The following LRRC7 variants were observed in gnomAD, a reference collection of about 807,000 sequenced individuals.
LRRC7 encodes the protein leucine-rich repeat-containing protein 7.
In LRRC7, 23 loss-of-function variants were observed where a neutral mutation model predicts 175.7. The ratio of observed to expected loss-of-function variants is 0.13; its 90% CI spans 0.09 to 0.19. LRRC7 has a LOEUF of 0.19. Ranked by LOEUF, LRRC7 falls within the 10% of genes least tolerant of loss-of-function variation. The probability of loss-of-function intolerance (pLI) is 1.00; values close to 1 mark genes in which losing one functional copy is unlikely to be tolerated. For missense variants in LRRC7, 1,354 were observed against 1,904.7 expected (o/e 0.71, Z 5.38); for synonymous variants, 685 against 680.9 (o/e 1.01, Z -0.09).
rs889900746 is a variant in LRRC7, at chr1:70,134,263, G to C, written c.*12376G>C. 1.3e-5 allele frequency among the ~76,000 whole-genome samples: 2 copies of C among 152,218 alleles called. No individual in the cohort carries two copies. Among genetic ancestry groups the C allele is most frequent in the African/African-American group, 4.8e-5 (2 of 41,456 alleles). ...CTCTCTCCTTTCAGTGGGAATATCT[G>C]GGTGCTGAAGGCAGAGAACCCCTGG... On this transcript the variant is annotated 3_prime_UTR_variant, in exon 27 of 27. Coordinates refer to ENST00000651989, the MANE Select transcript of LRRC7 (RefSeq NM_001370785.2).
rs180880853 is a variant in LRRC7 at position 69,822,348 on chromosome 1, T to C, written c.422-3400T>C. Among the ~76,000 whole-genome samples the C allele has an allele frequency of 7.0e-4, 106 of 152,254 alleles. 1 individual carries two copies. Among genetic ancestry groups the C allele is most frequent in the African/African-American group, 2.3e-3 (95 of 41,570 alleles). ...GCACATGAAAGGAGCTAGCTACAGT[T>C]ATAGAAGGGAGGCTGAAAAACACAA... On this transcript the variant is annotated intron_variant, in intron 4 of 26. Transcript: ENST00000651989.
chr1:69,673,346 C>T (rs774436790), intron 1 of LRRC7, among the ~76,000 whole-genome samples: 9 of 152,298 alleles, frequency 5.9e-5, no homozygotes, highest in African/African-American at 1.9e-4. Flanking sequence ...TTGATATTAA[C>T]CTGGCTGCCC....
chr1:69,969,943 A>G (rs1652059161), intron 8 of LRRC7, among the ~76,000 whole-genome samples: 1 of 152,210 alleles, frequency 6.6e-6, no homozygotes, highest in Non-Finnish European at 1.5e-5. Flanking sequence ...CTCAGACCAC[A>G]GTGGAATTAA....
intron 1 of LRRC7, among the ~76,000 whole-genome samples, chr1:69,676,007 G>GCACACACACACACACACACA (rs57846147): frequency 6.8e-6 from 1 of 147,450 alleles, no homozygotes. Context: ...ATGAGTGCAT[G>GCACACACACACACACACACA]CACACACACA....
chr1:69,922,407 T>C (rs911732685), intron 7 of LRRC7, among the ~76,000 whole-genome samples: 4 of 152,186 alleles, frequency 2.6e-5, no homozygotes, highest in Non-Finnish European at 4.4e-5. Context: ...GTACCTCTCC[T>C]TTTTGTTCTC....
At chr1:69,659,763 A>G (rs199820689) in intron 1 of LRRC7, among the ~76,000 whole-genome samples, 1 of 152,002 alleles carries the variant, frequency 6.6e-6, no homozygotes, top group African/African-American at 2.4e-5. Context: ...GATAATCAAA[A>G]GCACTACATA....
chr1:69,675,290 C>T (rs1659614053), intron 1 of LRRC7, among the ~76,000 whole-genome samples: 1 of 152,106 alleles, frequency 6.6e-6, no homozygotes, highest in Admixed American at 6.6e-5. Flanking sequence ...CTCCCATAGC[C>T]TTTGAAAGTA....
intron 7 of LRRC7, among the ~76,000 whole-genome samples, chr1:69,911,529 G>T (rs1276684693): frequency 6.6e-6 from 1 of 152,138 alleles, no homozygotes; most frequent in Non-Finnish European, 1.5e-5. Context: ...CTGACTGGTT[G>T]TTTTGATTTG....
At chr1:70,076,008 G>A (rs751140709) in intron 23 of LRRC7, 69 bp from the exon 24 acceptor site, 148 of 1,543,380 alleles carry the variant, frequency 9.6e-5, no homozygotes, top group Admixed American at 1.2e-4. Context: ...TATTCTGTAC[G>A]TGCTTTCTAC....
intron 1 of LRRC7, among the ~76,000 whole-genome samples, chr1:69,620,020 A>C (rs1227234236): frequency 6.6e-6 from 1 of 152,192 alleles, no homozygotes; most frequent in Non-Finnish European, 1.5e-5. Flanking sequence ...CTTTTGTGTC[A>C]TATCAAAGAA....
chr1:69,891,054 A>T lies in LRRC7; in HGVS notation c.648-40453A>T, dbSNP rs114964000. ...TTTCTTATCATTCATGTATTCACTG[A>T]AGTGGCACTTTTGATTTCCTTCAAG... On this transcript the variant is annotated intron_variant, in intron 7 of 26. Coordinates refer to ENST00000651989, the MANE Select transcript of LRRC7 (RefSeq NM_001370785.2). Among the ~76,000 whole-genome samples, 670 of 152,334 alleles carry T rather than the reference A, an allele frequency of 4.4e-3. 5 individuals are homozygous for T. The highest frequency in any genetic ancestry group is 0.015 in the African/African-American group (618 of 41,580).
intron 2 of LRRC7, among the ~76,000 whole-genome samples, chr1:69,755,143 A>G (rs1172160063): frequency 1.3e-5 from 2 of 151,928 alleles, no homozygotes; most frequent in Non-Finnish European, 2.9e-5. Context: ...ACTTGCTAAT[A>G]TGTCAACTAA....
chr1:69,685,524 A>G lies in LRRC7; in HGVS notation c.100+7046A>G, dbSNP rs72938959. The stretch of plus-strand genomic sequence containing the variant: ...AACAGAAAATCTCAGGGGAAAAAAA[A>G]GAAGTTATAAAAAAGAACCAAATGG... On this transcript the variant is annotated intron_variant, in intron 2 of 26. Coordinates refer to ENST00000651989, the MANE Select transcript of LRRC7 (RefSeq NM_001370785.2). Among the ~76,000 whole-genome samples the G allele has an allele frequency of 6.5e-3, 994 of 152,242 alleles. 5 individuals carry two copies. Among genetic ancestry groups the G allele is most frequent in the African/African-American group, 0.023 (941 of 41,572 alleles).
intron 3 of LRRC7, among the ~76,000 whole-genome samples, chr1:69,769,229 C>G (rs1467401658): frequency 6.6e-6 from 1 of 152,150 alleles, no homozygotes; most frequent in Non-Finnish European, 1.5e-5. Flanking sequence ...CTCCTTTGAG[C>G]CTTAGCATCT....
intron 8 of LRRC7, among the ~76,000 whole-genome samples, chr1:69,968,996 T>G (rs1327458389): frequency 2.0e-5 from 3 of 151,936 alleles, no homozygotes; most frequent in Non-Finnish European, 4.4e-5. Context: ...TTTTTTGTAT[T>G]TTTAGTAGAG....
intron 1 of LRRC7, among the ~76,000 whole-genome samples, chr1:69,605,128 G>A (rs1351093731): frequency 6.6e-6 from 1 of 152,122 alleles, no homozygotes; most frequent in East Asian, 1.9e-4. Context: ...AAATCTTGTG[G>A]GAGGTAATTG....
chr1:69,667,996 G>T (rs190050093), intron 1 of LRRC7, among the ~76,000 whole-genome samples: 3 of 150,772 alleles, frequency 2.0e-5, no homozygotes, highest in African/African-American at 7.3e-5. Flanking sequence ...TTTATTTGAG[G>T]TCACCATGAG....
intron 3 of LRRC7, among the ~76,000 whole-genome samples, chr1:69,763,703 A>T (rs1258225097): frequency 1.3e-5 from 2 of 152,074 alleles, no homozygotes; most frequent in African/African-American, 4.8e-5. Flanking sequence ...ATCAAAAACT[A>T]TGTATAAAGT....
chr1:70,121,372 A>G (rs1666197242), intron 26 of LRRC7, among the ~76,000 whole-genome samples: 1 of 152,074 alleles, frequency 6.6e-6, no homozygotes, highest in Non-Finnish European at 1.5e-5. Flanking sequence ...CATGATTGAA[A>G]TATTTGGTCA....
Sources: gnomAD v4.1 joint callset for allele counts (sites outside exome capture counted in the v4.1 genomes callset) on GRCh38, gnomAD v4.1.1 for gene constraint, MANE v1.5 for transcripts, NCBI Gene and HGNC (gene_info 2026-07-23, HGNC 2026-07-21) for gene names.